NELL1: variants seen among roughly 807,000 people sequenced by gnomAD.
The protein encoded by NELL1 is neural EGFL like 1.
Under a neutral mutation model 107.4 loss-of-function variants are expected in NELL1, and 76 were observed. The ratio of observed to expected loss-of-function variants is 0.71; its 90% confidence interval spans 0.59 to 0.86. NELL1 has a LOEUF of 0.86. Ranked by LOEUF, NELL1 falls within the 40% of genes least tolerant of loss-of-function variation. NELL1 has a pLI of 0.00. For synonymous variants in NELL1, 353 were observed against 341.2 expected, an observed-to-expected ratio of 1.03 and a Z score of -0.38; for missense variants, 1,024 against 1,005.5, an observed-to-expected ratio of 1.02 and a Z score of -0.25.
In NELL1 at chr11:21,373,459, T is replaced by A. The variant is rs539221125; in HGVS notation, c.1645+2511T>A. 1.2e-4 allele frequency among the ~76,000 whole-genome samples: 19 copies of A among 152,254 alleles called. No individual in the cohort carries two copies. The South Asian group carries it at 3.9e-3, about 32-fold the overall frequency. ...ATCTTTCATTTGATTTGTTTTAATTTTAAGACTAAGTAAATGGTCCCATTT... is the reference window on the plus strand; with the variant it reads ...ATCTTTCATTTGATTTGTTTTAATTATAAGACTAAGTAAATGGTCCCATTT... On this transcript the variant is annotated intron_variant, in intron 15 of 19. Coordinates refer to ENST00000357134, the MANE Select transcript of NELL1 (RefSeq NM_006157.5).
At chr11:20,761,058 A>C (rs890193779) in intron 2 of NELL1, among the ~76,000 whole-genome samples, 3 of 152,196 alleles carry the variant, frequency 2.0e-5, no homozygotes, top group Non-Finnish European at 4.4e-5. Context: ...ATTCAGACTC[A>C]TCTTGCTGTC....
At chr11:21,193,234 G>A (rs920307459) in intron 13 of NELL1, among the ~76,000 whole-genome samples, 1 of 151,806 alleles carries the variant, frequency 6.6e-6, no homozygotes, top group African/African-American at 2.4e-5. Context: ...CAAGAATGCG[G>A]TTCCTGTCGA....
intron 15 of NELL1, among the ~76,000 whole-genome samples, chr11:21,400,511 C>T (rs1436454669): frequency 6.6e-6 from 1 of 151,826 alleles, no homozygotes; most frequent in Non-Finnish European, 1.5e-5. Context: ...CAACTCCAGG[C>T]TGCCAGGGTC....
intron 3 of NELL1, among the ~76,000 whole-genome samples, chr11:20,821,005 T>C (rs897303747): frequency 6.6e-6 from 1 of 152,216 alleles, no homozygotes; most frequent in African/African-American, 2.4e-5. Flanking sequence ...CTTTGAACAA[T>C]GCATGGCACC....
chr11:20,669,610 C>A lies in NELL1; in HGVS notation c.-114C>A. 1.1e-6 allele frequency: 1 copy of A among 884,328 alleles called. No homozygotes were observed. The highest frequency in any genetic ancestry group is 1.5e-5 in the South Asian group (1 of 65,646). The allele number at this position is 884,328 out of a possible 1,614,324, so 54.8% of individuals were successfully genotyped here. ...CACCCGGCGCTGCCGAGCCACCTCC[C>A]CCGCCGCCCGCTAGCAAGTTTGGCG... is the stretch of plus-strand genomic sequence containing the variant. On this transcript the variant is annotated 5_prime_UTR_variant, in exon 1 of 20. Coordinates refer to ENST00000357134, the MANE Select transcript of NELL1 (RefSeq NM_006157.5). The surrounding 1 kb of genome is among the most constrained non-coding windows in gnomAD (Gnocchi z 4.4).
intron 3 of NELL1, among the ~76,000 whole-genome samples, chr11:20,827,049 A>C (rs1176794959): frequency 6.6e-6 from 1 of 151,262 alleles, no homozygotes; most frequent in African/African-American, 2.4e-5. Context: ...GGAATTGCCA[A>C]GACACAGCCC....
chr11:21,432,906 A>C (rs952777441), intron 15 of NELL1, among the ~76,000 whole-genome samples: 3 of 152,086 alleles, frequency 2.0e-5, no homozygotes, highest in Non-Finnish European at 4.4e-5. Flanking sequence ...ATATACACTA[A>C]ATGATTGCTA....
intron 2 of NELL1, among the ~76,000 whole-genome samples, chr11:20,755,878 T>TTG (rs1564895311): frequency 1.1e-4 from 1 of 9,230 alleles, no homozygotes; most frequent in Non-Finnish European, 4.5e-4. Flanking sequence ...TTTTTTTTTT[T>TTG]TTTTTTTTTT....
At chr11:20,866,164 A>G (rs181121212) in intron 4 of NELL1, among the ~76,000 whole-genome samples, 2 of 152,330 alleles carry the variant, frequency 1.3e-5, no homozygotes, top group Admixed American at 6.5e-5. Flanking sequence ...AGGAGCTTGA[A>G]GTGGGAATTG....
intron 12 of NELL1, among the ~76,000 whole-genome samples, chr11:21,048,945 T>C (rs925581819): frequency 6.6e-6 from 1 of 151,952 alleles, no homozygotes; most frequent in Non-Finnish European, 1.5e-5. Flanking sequence ...ATGCAGGAAT[T>C]TATTGGGGGG....
At chr11:21,409,342 A>C (rs1245182504) in intron 15 of NELL1, among the ~76,000 whole-genome samples, 2 of 152,046 alleles carry the variant, frequency 1.3e-5, no homozygotes, top group Non-Finnish European at 2.9e-5. Context: ...CAAAAAACCA[A>C]ACACTGCATG....
intron 12 of NELL1, among the ~76,000 whole-genome samples, chr11:20,974,857 G>T (rs1851572703): frequency 6.6e-6 from 1 of 152,140 alleles, no homozygotes; most frequent in African/African-American, 2.4e-5. Context: ...AAGATAAATG[G>T]TTTTAATACT....
At chr11:21,061,780 A>C (rs1412492426) in intron 12 of NELL1, among the ~76,000 whole-genome samples, 3 of 152,096 alleles carry the variant, frequency 2.0e-5, no homozygotes, top group Non-Finnish European at 4.4e-5. Context: ...TGGAGGTGGG[A>C]GCATTTATGC....
intron 2 of NELL1, among the ~76,000 whole-genome samples, chr11:20,782,165 G>T (rs1382615772): frequency 1.3e-5 from 2 of 152,094 alleles, no homozygotes; most frequent in Admixed American, 6.5e-5. Flanking sequence ...AATATCTTTG[G>T]CTGGGATTTT....
intron 1 of NELL1, chr11:20,674,559 A>G (rs575713041): frequency 2.0e-6 from 3 of 1,530,044 alleles, no homozygotes; most frequent in Non-Finnish European, 8.8e-7. Flanking sequence ...TGCTTCAGCA[A>G]TCCCTTCAGG....
At chr11:21,546,724 G>A (rs564304839) in intron 16 of NELL1, among the ~76,000 whole-genome samples, 25 of 152,002 alleles carry the variant, frequency 1.6e-4, no homozygotes, top group Non-Finnish European at 3.2e-4. Context: ...TGTAAATTAC[G>A]CAGTTTCAGG....
intron 4 of NELL1, among the ~76,000 whole-genome samples, chr11:20,885,163 T>G (rs977887523): frequency 6.6e-6 from 1 of 152,186 alleles, no homozygotes; most frequent in African/African-American, 2.4e-5. Flanking sequence ...CAAACCACTT[T>G]CCCCACAGAG....
intron 3 of NELL1, among the ~76,000 whole-genome samples, chr11:20,789,415 C>A (rs1232905776): frequency 2.0e-5 from 3 of 152,180 alleles, no homozygotes; most frequent in African/African-American, 7.2e-5. Context: ...TCCACCAGCA[C>A]CGGGGAACAC....
chr11:20,874,160 T>G (rs1410767947), intron 4 of NELL1, among the ~76,000 whole-genome samples: 1 of 152,178 alleles, frequency 6.6e-6, no homozygotes, highest in Non-Finnish European at 1.5e-5. Flanking sequence ...CTCCGCCTCC[T>G]GGGTTTAAGC....
Sources: gnomAD v4.1 joint callset for allele counts (sites outside exome capture counted in the v4.1 genomes callset) on GRCh38, gnomAD v4.1.1 for gene constraint, Gnocchi (gnomAD v3.1) non-coding constraint, MANE v1.5 for transcripts, NCBI Gene and HGNC (gene_info 2026-07-23, HGNC 2026-07-21) for gene names.